Variants in PCDHGA12 observed in about 807,000 individuals in gnomAD.
The protein encoded by PCDHGA12 is protocadherin gamma subfamily A, 12.
PCDHGA12 carries 43 observed loss-of-function variants against 61.1 expected under a neutral mutation model. That is an observed-to-expected ratio of 0.70 (90% confidence interval 0.55 to 0.91). The LOEUF is 0.91. Ranked by LOEUF, PCDHGA12 falls within the 40% of genes least tolerant of loss-of-function variation. The pLI is 0.00. For missense variants in PCDHGA12, 1,236 were observed against 1,227.7 expected, an observed-to-expected ratio of 1.01 and a Z score of -0.10; for synonymous variants, 520 against 542.9, an observed-to-expected ratio of 0.96 and a Z score of 0.59.
At chr5:141,453,700 G>A (rs953445370) in intron 1 of PCDHGA12, among the ~76,000 whole-genome samples, 1 of 152,166 alleles carries the variant, frequency 6.6e-6, no homozygotes, top group Non-Finnish European at 1.5e-5. Flanking sequence ...TCCTGGCTTT[G>A]AACAGTTTCA....
At chr5:141,504,545 TGTTGGGGG>T in intron 2 of PCDHGA12, among the ~76,000 whole-genome samples, 1 of 151,524 alleles carries the variant, frequency 6.6e-6, no homozygotes, top group South Asian at 2.1e-4. Flanking sequence ...TCATGGCAAA[TGTTGGGGG>T]ACTGGCATTC....
rs773899530 is a variant in PCDHGA12 at position 141,494,864 on chromosome 5, G to C, written c.2482G>C (p.Gly828Arg). ...FSQAQRPGTS[G>R]SQNGDDTGTW... ...TCAGGCCCAGAGACCCGGCACCAGCGGGTAGGTGACTGATTCTCCAGCCCA... is the reference window on the plus strand; with the variant it reads ...TCAGGCCCAGAGACCCGGCACCAGCCGGTAGGTGACTGATTCTCCAGCCCA... The change falls in exon 2 of 4, where the codon GGC becomes CGC. Residue 828 changes from glycine (G) to arginine (R), a missense_variant and splice_region_variant. Transcript: ENST00000252085. The C allele has an allele frequency of 1.2e-6, 2 of 1,614,068 alleles. No individual in the cohort carries two copies. Among genetic ancestry groups the C allele is most frequent in the Middle Eastern group, 1.6e-4 (1 of 6,062 alleles).
Position 141,431,711 on chromosome 5 carries a change from G to T in PCDHGA12, c.952G>T (p.Glu318Ter). The change falls in exon 1 of 4, where the codon GAA becomes TAA. Residue 318 changes from glutamate to a stop codon, truncating the protein, a stop_gained. Coordinates refer to ENST00000252085, the MANE Select transcript of PCDHGA12 (RefSeq NM_003735.3). LOFTEE classifies it high-confidence loss of function. This position sits in a 1 kb window ranked among gnomAD's most constrained non-coding sequence, Gnocchi z 4.8. ...CGAGGAGTCAGGATTCTACCAGATG[G>T]AAGTGCAAGCAATGGATAATGCAGG... ...DHEESGFYQM[E>*]VQAMDNAGYS... 1 of 1,614,230 alleles carries T rather than the reference G, an allele frequency of 6.2e-7. No homozygotes were observed. The highest frequency in any genetic ancestry group is 1.1e-5 in the South Asian group (1 of 91,092).
Position 141,487,203 on chromosome 5 carries a change from G to A in PCDHGA12, c.2425-7604G>A, listed in dbSNP as rs765707343. 6.8e-6 allele frequency: 11 copies of A among 1,613,804 alleles called. No homozygotes were observed. The highest frequency in any genetic ancestry group is 5.3e-5 in the African/African-American group (4 of 74,890). The stretch of plus-strand genomic sequence containing the variant: ...ACTCATCCAGTTGTCCCAGATCTTC[G>A]AGAATCTTCAGCTCCAAGGGAAGGA... On this transcript the variant is annotated intron_variant, in intron 1 of 3. Transcript: ENST00000252085. This position sits in a 1 kb window ranked among gnomAD's most constrained non-coding sequence, Gnocchi z 5.0.
chr5:141,491,578 C>G lies in PCDHGA12; in HGVS notation c.2425-3229C>G, dbSNP rs1438933474. ...CCACTGCTACAGGACGTGCTTTTCA[C>G]CGGCCTCGGACGGCAGTGACTTCAC... On this transcript the variant is annotated intron_variant, in intron 1 of 3. Transcript: ENST00000252085. This position sits in a 1 kb window ranked among gnomAD's most constrained non-coding sequence, Gnocchi z 6.9. The G allele has an allele frequency of 1.9e-6, 3 of 1,614,006 alleles. No individual in the cohort carries two copies. Among genetic ancestry groups the G allele is most frequent in the Non-Finnish European group, 2.5e-6 (3 of 1,180,036 alleles).
chr5:141,436,298 T>C (rs1480546595), intron 1 of PCDHGA12, among the ~76,000 whole-genome samples: 3 of 152,186 alleles, frequency 2.0e-5, no homozygotes, highest in Non-Finnish European at 4.4e-5. Flanking sequence ...CATTGAGAGT[T>C]AGAGCATGAA....
intron 1 of PCDHGA12, among the ~76,000 whole-genome samples, chr5:141,483,272 A>T (rs545719861): frequency 4.4e-4 from 67 of 152,196 alleles, no homozygotes; most frequent in African/African-American, 1.4e-3. Flanking sequence ...TGTTTTAGAA[A>T]TATTATTCTG....
At chr5:141,461,740 G>A (rs770518286) in intron 1 of PCDHGA12, among the ~76,000 whole-genome samples, 4 of 152,072 alleles carry the variant, frequency 2.6e-5, no homozygotes, top group Non-Finnish European at 2.9e-5. Context: ...GCACAATCCC[G>A]GCTCCCAGAT....
chr5:141,470,721 AG>A (rs948288535), intron 1 of PCDHGA12, among the ~76,000 whole-genome samples: 2 of 152,098 alleles, frequency 1.3e-5, no homozygotes, highest in African/African-American at 4.8e-5. Flanking sequence ...TTTTTGAGTC[AG>A]GGTCTTGCTC....
chr5:141,445,456 T>A (rs921684111), intron 1 of PCDHGA12, among the ~76,000 whole-genome samples: 8 of 152,218 alleles, frequency 5.3e-5, no homozygotes, highest in Non-Finnish European at 1.0e-4. Flanking sequence ...GATGCAGCAA[T>A]GAACAAGGCA....
intron 1 of PCDHGA12, among the ~76,000 whole-genome samples, chr5:141,435,245 G>A (rs577996994): frequency 6.6e-6 from 1 of 152,132 alleles, no homozygotes; most frequent in Admixed American, 6.5e-5. Context: ...ATTCTTTCTG[G>A]CCATTAGGGA....
intron 1 of PCDHGA12, among the ~76,000 whole-genome samples, chr5:141,461,983 C>T (rs1390320490): frequency 6.6e-6 from 1 of 152,192 alleles, no homozygotes. Flanking sequence ...GCCACCACGC[C>T]AGGCTAATTT....
chr5:141,455,924 G>A (rs2098837630), intron 1 of PCDHGA12, among the ~76,000 whole-genome samples: 1 of 149,978 alleles, frequency 6.7e-6, no homozygotes. Flanking sequence ...TTGAGACGGA[G>A]TCTCGCTCTG....
chr5:141,494,914 A>G (rs906245656), intron 2 of PCDHGA12, 49 bp downstream of exon 2: 5 of 1,613,708 alleles, frequency 3.1e-6, no homozygotes, highest in Admixed American at 1.7e-5. Context: ...GCATTTTCTC[A>G]GGGATGACGT....
At chr5:141,448,580 TTACAAAAAGATAAAA>T (rs1484851220) in intron 1 of PCDHGA12, among the ~76,000 whole-genome samples, 1 of 152,180 alleles carries the variant, frequency 6.6e-6, no homozygotes, top group Non-Finnish European at 1.5e-5. Context: ...CCCATTTTTT[TTACAAAAAGATAAAA>T]TACTATACAC....
At chr5:141,508,806 C>T (rs1243735850) in intron 3 of PCDHGA12, among the ~76,000 whole-genome samples, 1 of 152,066 alleles carries the variant, frequency 6.6e-6, no homozygotes, top group African/African-American at 2.4e-5. Flanking sequence ...AATCCTGGCT[C>T]TTTGAAGCCA....
chr5:141,450,893 C>T (rs1306212499), intron 1 of PCDHGA12, among the ~76,000 whole-genome samples: 3 of 149,144 alleles, frequency 2.0e-5, no homozygotes, highest in East Asian at 2.0e-4. Flanking sequence ...GGTGCGATAT[C>T]GGCTCACTGC....
At chr5:141,478,165 C>T (rs780594020) in intron 1 of PCDHGA12, 18 of 1,613,920 alleles carry the variant, frequency 1.1e-5, no homozygotes, top group Non-Finnish European at 1.5e-5. Context: ...GCTCTGCCCC[C>T]CGGGAGCAGA....
rs1562157859 is a variant in PCDHGA12 at position 141,493,022 on chromosome 5, G to GTGCC, written c.2425-1784_2425-1781dup. Among the ~76,000 whole-genome samples, 2 of 152,222 alleles carry GTGCC rather than the reference G, an allele frequency of 1.3e-5. No homozygotes were observed. Among genetic ancestry groups the GTGCC allele is most frequent in the African/African-American group, 4.8e-5 (2 of 41,454 alleles). ...GCTATAGGCTCTGCCAGATGCCAGG[G>GTGCC]TGCCCTTATGTGTGAGGAAACTACA... On this transcript the variant is annotated intron_variant, in intron 1 of 3. Coordinates refer to ENST00000252085, the MANE Select transcript of PCDHGA12 (RefSeq NM_003735.3). The surrounding 1 kb of genome is among the most constrained non-coding windows in gnomAD (Gnocchi z 4.3).
Sources: gnomAD v4.1 joint callset for allele counts (sites outside exome capture counted in the v4.1 genomes callset) on GRCh38, gnomAD v4.1.1 for gene constraint, Gnocchi (gnomAD v3.1) non-coding constraint, MANE v1.5 for transcripts, NCBI Gene and HGNC (gene_info 2026-07-23, HGNC 2026-07-21) for gene names.